AMN1: variants seen among roughly 807,000 people sequenced by gnomAD.
AMN1 encodes the protein protein AMN1 homolog.
AMN1 carries 20 observed loss-of-function variants against 33.0 expected under a neutral mutation model. The ratio of observed to expected loss-of-function variants is 0.61; its 90% CI spans 0.43 to 0.88. The LOEUF is 0.88. Ranked by LOEUF, AMN1 falls within the 40% of genes least tolerant of loss-of-function variation. The probability of loss-of-function intolerance (pLI) is 0.00; values close to 1 mark genes in which losing one functional copy is unlikely to be tolerated. For synonymous variants in AMN1, 114 were observed against 111.9 expected (o/e 1.02, Z -0.12); for missense variants, 246 against 307.4 (o/e 0.80, Z 1.49).
chr12:31,720,593 A>G (rs553773372), intron 1 of AMN1, among the ~76,000 whole-genome samples: 69 of 152,026 alleles, frequency 4.5e-4, no homozygotes, highest in African/African-American at 1.6e-3. Flanking sequence ...ACAAATACCA[A>G]TTATGGGTTG....
intron 5 of AMN1, among the ~76,000 whole-genome samples, chr12:31,693,122 G>A (rs1476733014): frequency 1.3e-5 from 2 of 152,122 alleles, no homozygotes; most frequent in Admixed American, 1.3e-4. Context: ...AAGCTGGAGT[G>A]CAGTAGTGCA....
chr12:31,728,836 G>T (rs1940186477), intron 1 of AMN1, 135 bp downstream of exon 1: 2 of 1,017,850 alleles, frequency 2.0e-6, no homozygotes, highest in Non-Finnish European at 2.7e-6. Context: ...CCCAGGGACA[G>T]AAACACACGC....
rs533494678 is a variant in AMN1 at position 31,725,426 on chromosome 12, A to G, written c.38+3545T>C. On this transcript the variant is annotated intron_variant, in intron 1 of 6. Coordinates refer to ENST00000281471, the MANE Select transcript of AMN1 (RefSeq NM_001113402.2). ...GGGGAGACGGGTGGATATCCCAACC[A>G]ATAATAGTTGCTCTACGTTTTATAC... is the stretch of plus-strand genomic sequence containing the variant. Among the ~76,000 whole-genome samples, 11 of 152,342 alleles carry G rather than the reference A, an allele frequency of 7.2e-5. No homozygotes were observed. In the South Asian group the frequency reaches 2.1e-3, roughly 29 times the overall value.
intron 1 of AMN1, among the ~76,000 whole-genome samples, chr12:31,710,551 TACACACACACACAC>T (rs112841301): frequency 8.8e-5 from 13 of 147,420 alleles, no homozygotes; most frequent in South Asian, 2.2e-4. Flanking sequence ...TCTGTTCTTG[TACACACACACACAC>T]ACACACACAC....
chr12:31,721,554 C>G (rs142906263), intron 1 of AMN1, among the ~76,000 whole-genome samples: 1 of 152,344 alleles, frequency 6.6e-6, no homozygotes, highest in East Asian at 1.9e-4. Flanking sequence ...CCAAATGCAA[C>G]TGATGAGGTC....
chr12:31,715,161 ACT>A (rs1369862728), intron 1 of AMN1, among the ~76,000 whole-genome samples: 2 of 152,180 alleles, frequency 1.3e-5, no homozygotes, highest in East Asian at 3.8e-4. Flanking sequence ...AAAGAGTAAA[ACT>A]CTTTCAGTTT....
chr12:31,720,351 A>T (rs187755433), intron 1 of AMN1, among the ~76,000 whole-genome samples: 1 of 151,886 alleles, frequency 6.6e-6, no homozygotes, highest in Admixed American at 6.6e-5. Flanking sequence ...GACCAGCCTG[A>T]CCAACATGGT....
intron 1 of AMN1, among the ~76,000 whole-genome samples, chr12:31,713,970 G>T (rs1950485159): frequency 6.6e-6 from 1 of 151,962 alleles, no homozygotes. Context: ...AATAGTTCCT[G>T]TCCATTATTT....
chr12:31,690,352 G>A (rs1565767543), intron 5 of AMN1, among the ~76,000 whole-genome samples: 1 of 152,166 alleles, frequency 6.6e-6, no homozygotes. Context: ...AATAGTGGTT[G>A]TACTAGTTTA....
chr12:31,710,973 GA>G (rs1165379641), intron 1 of AMN1, among the ~76,000 whole-genome samples: 8 of 152,030 alleles, frequency 5.3e-5, no homozygotes, highest in Admixed American at 5.2e-4. Flanking sequence ...GCAGTGGCAT[GA>G]TCTCAGCTCA....
chr12:31,690,125 T>A (rs562502655), intron 5 of AMN1, among the ~76,000 whole-genome samples: 1 of 152,370 alleles, frequency 6.6e-6, no homozygotes, highest in Admixed American at 6.5e-5. Flanking sequence ...TTCCATTGTA[T>A]ACATATACCA....
chr12:31,697,482 T>C (rs1938782410), intron 4 of AMN1, 65 bp from the exon 5 acceptor site: 2 of 1,494,000 alleles, frequency 1.3e-6, no homozygotes, highest in Admixed American at 1.7e-5. Flanking sequence ...TTTTCCAAAA[T>C]GTATTCATTA....
At chr12:31,686,530 C>CATT (rs138705884) in intron 6 of AMN1, among the ~76,000 whole-genome samples, 2,738 of 152,258 alleles carry the variant, frequency 0.018, 73 homozygotes, top group African/African-American at 0.062. Context: ...CTGACAAACT[C>CATT]ATAAGTCGAA....
At chr12:31,720,900 C>G (rs187113989) in intron 1 of AMN1, among the ~76,000 whole-genome samples, 2 of 152,266 alleles carry the variant, frequency 1.3e-5, no homozygotes, top group African/African-American at 4.8e-5. Flanking sequence ...TTTGAGTACC[C>G]AGTTTCAATT....
At chr12:31,681,877 A>G (rs781448288) in intron 6 of AMN1, among the ~76,000 whole-genome samples, 1 of 151,952 alleles carries the variant, frequency 6.6e-6, no homozygotes, top group Non-Finnish European at 1.5e-5. Flanking sequence ...GGGTTTCTCT[A>G]TGTTGCCCAG....
intron 6 of AMN1, 88 bp from the exon 7 acceptor site, chr12:31,672,465 T>C: frequency 1.1e-6 from 1 of 913,554 alleles, no homozygotes; most frequent in Non-Finnish European, 1.7e-6. Flanking sequence ...ATGTTAATTA[T>C]TATACAGTTA....
chr12:31,690,027 G>T (rs542809779), intron 5 of AMN1, among the ~76,000 whole-genome samples: 1 of 152,114 alleles, frequency 6.6e-6, no homozygotes, highest in Non-Finnish European at 1.5e-5. Flanking sequence ...TTCCATTCCT[G>T]AGTTACTTCA....
At chr12:31,709,550 G>C in intron 1 of AMN1, 125 bp from the exon 2 acceptor site, 1 of 1,193,520 alleles carries the variant, frequency 8.4e-7, no homozygotes, top group Non-Finnish European at 1.1e-6. Context: ...TGGGTGTGGT[G>C]GCTCACGCCT....
intron 1 of AMN1, among the ~76,000 whole-genome samples, chr12:31,710,436 A>C (rs1465706606): frequency 6.6e-6 from 1 of 151,976 alleles, no homozygotes; most frequent in Middle Eastern, 3.2e-3. Context: ...TGCAATGTTA[A>C]TTTTTTCTTT....
Sources: allele counts gnomAD v4.1 joint callset (sites outside exome capture counted in the v4.1 genomes callset), GRCh38; gene constraint gnomAD v4.1.1; transcripts MANE v1.5; gene names NCBI Gene and HGNC (gene_info 2026-07-23, HGNC 2026-07-21).